The following POLN variants were observed in gnomAD, a reference collection of about 807,000 sequenced individuals.
POLN encodes the protein DNA polymerase N.
In POLN, 108 loss-of-function variants were observed where a neutral mutation model predicts 113.5. That is an observed-to-expected ratio of 0.95 (90% CI 0.81 to 1.12). The LOEUF (loss-of-function observed/expected upper bound fraction) is 1.12. Among genes scored for constraint, POLN ranks in the 50% most tolerant of loss-of-function variants. POLN has a pLI of 0.00. For synonymous variants in POLN, 386 were observed against 391.5 expected, an observed-to-expected ratio of 0.99 and a Z score of 0.17; for missense variants, 1,097 against 1,077.1, an observed-to-expected ratio of 1.02 and a Z score of -0.26.
intron 2 of POLN, chr4:2,240,482 T>C: frequency 3.7e-6 from 6 of 1,613,902 alleles, no homozygotes; most frequent in Non-Finnish European, 4.2e-6. Context: ...TCATTGCATT[T>C]AGAATTCCTT....
chr4:2,223,878 T>A (rs1191617225), intron 3 of POLN, among the ~76,000 whole-genome samples: 1 of 152,228 alleles, frequency 6.6e-6, no homozygotes, highest in Non-Finnish European at 1.5e-5. Flanking sequence ...GGAGTAAGTG[T>A]GAAACCTTAG....
Position 2,208,461 on chromosome 4 carries a change from T to G in POLN, c.240A>C (p.Thr80=), listed in dbSNP as rs764023538. The G allele has an allele frequency of 7.1e-6, 11 of 1,559,350 alleles. No individual in the cohort carries two copies. The Admixed American group carries it at 2.3e-4, about 33-fold the overall frequency. Residue 80 remains threonine, a synonymous_variant, in exon 5 of 26, where the codon ACA becomes ACC. Coordinates refer to ENST00000511885, the MANE Select transcript of POLN (RefSeq NM_181808.4). ...GAGACAGCTTGGCAGAACCTCTTGA[T>G]GTCTGACTTCTTAAAGATTTAAGAT... ...KKDLKSLRSQ[T]SRGSAKLSPQ...
intron 5 of POLN, among the ~76,000 whole-genome samples, chr4:2,204,904 A>T (rs1733806817): frequency 6.6e-6 from 1 of 152,240 alleles, no homozygotes; most frequent in African/African-American, 2.4e-5. Flanking sequence ...TTTATTATTA[A>T]AACTCTCAGC....
chr4:2,165,129 A>T (rs1732698502), intron 13 of POLN, among the ~76,000 whole-genome samples: 1 of 152,206 alleles, frequency 6.6e-6, no homozygotes, highest in South Asian at 2.1e-4. Flanking sequence ...CTACACACAG[A>T]TATTTATCTC....
intron 6 of POLN, among the ~76,000 whole-genome samples, chr4:2,196,812 G>T (rs991179907): frequency 3.3e-5 from 5 of 152,158 alleles, no homozygotes; most frequent in Admixed American, 2.6e-4. Flanking sequence ...CTGTACCTTT[G>T]TGTTTTCATA....
At chr4:2,131,021 A>G (rs559595435) in intron 17 of POLN, among the ~76,000 whole-genome samples, 6 of 152,168 alleles carry the variant, frequency 3.9e-5, no homozygotes, top group Admixed American at 2.6e-4. Context: ...CACAAAAAAT[A>G]CACACACATA....
intron 3 of POLN, among the ~76,000 whole-genome samples, chr4:2,225,712 G>A (rs1049603957): frequency 9.2e-5 from 14 of 151,432 alleles, no homozygotes; most frequent in African/African-American, 3.2e-4. Context: ...AAAAAAAATA[G>A]TAGGCCAGGC....
At chr4:2,090,616 A>G in intron 20 of POLN, 2 of 420,156 alleles carry the variant, frequency 4.8e-6, no homozygotes, top group South Asian at 5.5e-5. Flanking sequence ...ATGCTGGGCC[A>G]TGACGGTGGA....
intron 4 of POLN, among the ~76,000 whole-genome samples, chr4:2,211,170 A>G (rs1733983715): frequency 1.3e-5 from 2 of 148,538 alleles, no homozygotes; most frequent in South Asian, 4.2e-4. Context: ...GAATCGCTTA[A>G]CCCAGGAGGC....
At chr4:2,221,583 T>C (rs1427452000) in intron 3 of POLN, among the ~76,000 whole-genome samples, 1 of 151,780 alleles carries the variant, frequency 6.6e-6, no homozygotes, top group Non-Finnish European at 1.5e-5. Context: ...TACCTACTTT[T>C]TGTTTGTTTT....
chr4:2,130,041 C>T (rs773396685), intron 17 of POLN, among the ~76,000 whole-genome samples: 11 of 151,722 alleles, frequency 7.3e-5, no homozygotes, highest in Non-Finnish European at 1.0e-4. Flanking sequence ...ATCACTTGAG[C>T]CCAGGAGTTT....
chr4:2,079,282 G>T, intron 23 of POLN: 2 of 436,256 alleles, frequency 4.6e-6, no homozygotes, highest in Non-Finnish European at 6.1e-6. Context: ...ACCACCATTT[G>T]GCTTTCAGTT....
intron 2 of POLN, among the ~76,000 whole-genome samples, chr4:2,232,686 C>A (rs985283673): frequency 6.6e-6 from 1 of 152,148 alleles, no homozygotes; most frequent in Admixed American, 6.5e-5. Flanking sequence ...TGACATTCCA[C>A]GAAAACCATC....
intron 2 of POLN, chr4:2,234,171 G>A (rs1734677084): frequency 6.6e-6 from 1 of 152,170 alleles, no homozygotes; most frequent in Non-Finnish European, 1.5e-5. Flanking sequence ...AAACTATTTA[G>A]AGAGTAAAAA....
rs1406556631 is a variant in POLN at position 2,093,030 on chromosome 4, T to G, written c.2065+2821A>C. 1.3e-5 allele frequency among the ~76,000 whole-genome samples: 2 copies of G among 152,068 alleles called. No homozygotes were observed. The highest frequency in any genetic ancestry group is 4.8e-5 in the African/African-American group (2 of 41,370). ...CTGTCACAGCTAAAAGCAGCCAAAT[T>G]ACCCTTTTCAACATTATGGCTAATG... On this transcript the variant is annotated intron_variant, in intron 20 of 25. Transcript: ENST00000511885. The surrounding 1 kb of genome is among the most constrained non-coding windows in gnomAD (Gnocchi z 4.1).
intron 13 of POLN, among the ~76,000 whole-genome samples, chr4:2,160,621 C>G (rs756228788): frequency 2.6e-5 from 4 of 152,110 alleles, no homozygotes; most frequent in Non-Finnish European, 5.9e-5. Context: ...GTTGCCCAGG[C>G]TGGTCTTAAA....
At chr4:2,117,516 G>T (rs760104139) in intron 19 of POLN, among the ~76,000 whole-genome samples, 1 of 152,162 alleles carries the variant, frequency 6.6e-6, no homozygotes, top group East Asian at 1.9e-4. Flanking sequence ...ACATGATGTG[G>T]CCCCTTTGAT....
At chr4:2,236,504 T>A in intron 2 of POLN, 1 of 1,343,908 alleles carries the variant, frequency 7.4e-7, no homozygotes, top group South Asian at 1.2e-5. Context: ...CAAGTCAGTA[T>A]CATTTTCAAA....
intron 9 of POLN, 99 bp downstream of exon 9, chr4:2,176,167 C>T (rs2108749480): frequency 2.2e-6 from 2 of 924,140 alleles, no homozygotes; most frequent in East Asian, 2.5e-5. Flanking sequence ...CTCAACGTTT[C>T]GTTTCCTTCA....
Sources: gnomAD v4.1 joint callset for allele counts (sites outside exome capture counted in the v4.1 genomes callset) on GRCh38, gnomAD v4.1.1 for gene constraint, Gnocchi (gnomAD v3.1) non-coding constraint, MANE v1.5 for transcripts, NCBI Gene and HGNC (gene_info 2026-07-23, HGNC 2026-07-21) for gene names.